The following KSR1 variants were observed in gnomAD, a reference collection of about 807,000 sequenced individuals.
KSR1 encodes kinase suppressor of ras 1, also known as kinase suppressor of ras.
A neutral mutation model predicts 92.9 loss-of-function variants in KSR1; 35 were observed. That is an observed-to-expected ratio of 0.38 (90% CI 0.29 to 0.50). The LOEUF (loss-of-function observed/expected upper bound fraction) is 0.50. Ranked by LOEUF, KSR1 falls within the 20% of genes least tolerant of loss-of-function variation. KSR1 has a pLI of 0.94. For synonymous variants in KSR1, 467 were observed against 472.6 expected (o/e 0.99, Z 0.15); for missense variants, 972 against 1,158.5 (o/e 0.84, Z 2.34).
chr17:27,485,888 G>T (rs910222093), intron 1 of KSR1, among the ~76,000 whole-genome samples: 1 of 152,124 alleles, frequency 6.6e-6, no homozygotes, highest in African/African-American at 2.4e-5. Context: ...CTGCTCCCCC[G>T]AGGATTGAAA....
intron 1 of KSR1, among the ~76,000 whole-genome samples, chr17:27,480,461 G>T (rs774134226): frequency 6.6e-6 from 1 of 151,884 alleles, no homozygotes; most frequent in African/African-American, 2.4e-5. Flanking sequence ...GCAGTGGTGC[G>T]ATCTTGGCTC....
At chr17:27,613,723 T>G (rs996078092) in intron 18 of KSR1, among the ~76,000 whole-genome samples, 1 of 152,232 alleles carries the variant, frequency 6.6e-6, no homozygotes, top group Admixed American at 6.5e-5. Flanking sequence ...ATACAGGTTT[T>G]GGGCTCCTGG....
chr17:27,613,867 G>A (rs565998698), intron 18 of KSR1, among the ~76,000 whole-genome samples: 2 of 152,312 alleles, frequency 1.3e-5, no homozygotes, highest in African/African-American at 2.4e-5. Flanking sequence ...GCAGTGGCAC[G>A]ATCTTGGCTC....
At chr17:27,509,867 A>G (rs1285305822) in intron 1 of KSR1, among the ~76,000 whole-genome samples, 1 of 152,226 alleles carries the variant, frequency 6.6e-6, no homozygotes, top group Non-Finnish European at 1.5e-5. Flanking sequence ...AATAAAAGCC[A>G]GAGCCCTTCA....
At chr17:27,478,397 C>T (rs1250805239) in intron 1 of KSR1, among the ~76,000 whole-genome samples, 1 of 152,070 alleles carries the variant, frequency 6.6e-6, no homozygotes, top group East Asian at 1.9e-4. Context: ...TGGGGACATA[C>T]GAATGGGGAC....
Position 27,456,691 on chromosome 17 carries a change from G to A in KSR1, c.48G>A (p.Glu16=), listed in dbSNP as rs2019177466. 2.7e-6 allele frequency: 2 copies of A among 746,342 alleles called. No homozygotes were observed. Among genetic ancestry groups the A allele is most frequent in the Middle Eastern group, 3.6e-4 (1 of 2,764 alleles). 46.2% of individuals were successfully genotyped at this position (746,342 alleles called of 1,614,324 possible). A position where few individuals can be genotyped will look rare whatever the true frequency, so the allele number is the denominator to read the frequency against. The change falls in exon 1 of 21, where the codon GAG becomes GAA. Residue 16 remains glutamate, a synonymous_variant. Transcript: ENST00000644974. ...CGGCGGCGATGGGAGAGAAGAAGGA[G>A]GGCGGTGGCGGGGGGGATGCGGCGG... ...LRAAAMGEKK[E]GGGGGDAAAA...
intron 1 of KSR1, among the ~76,000 whole-genome samples, chr17:27,513,959 G>A (rs369534503): frequency 9.0e-4 from 137 of 152,312 alleles, no homozygotes; most frequent in African/African-American, 2.9e-3. Flanking sequence ...GTGGAGAATC[G>A]TCGGAAAGGC....
rs777364236 is a variant in KSR1 at position 27,607,947 on chromosome 17, G to A, written c.2028G>A (p.Val676=). Residue 676 remains valine, a synonymous_variant, in exon 15 of 21, where the codon GTG becomes GTA. Transcript: ENST00000644974. ...AGGGGCGGACGTTGCACTCGTTTGT[G>A]AGGGACCCCAAGACGTCTCTGGACA... The part of the protein sequence containing the change: ...FCKGRTLHSF[V]RDPKTSLDIN... The A allele has an allele frequency of 6.5e-5, 105 of 1,610,442 alleles. No homozygotes were observed. Among genetic ancestry groups the A allele is most frequent in the Admixed American group, 8.4e-5 (5 of 59,572 alleles).
chr17:27,547,140 G>A (rs190773823), intron 1 of KSR1, among the ~76,000 whole-genome samples: 369 of 152,354 alleles, frequency 2.4e-3, no homozygotes, highest in Middle Eastern at 6.8e-3. Flanking sequence ...TGGGAGAGGG[G>A]TAAGTAACCC....
intron 1 of KSR1, among the ~76,000 whole-genome samples, chr17:27,528,641 G>C (rs1350309306): frequency 6.6e-6 from 1 of 152,064 alleles, no homozygotes; most frequent in African/African-American, 2.4e-5. Flanking sequence ...GCTCACGTCT[G>C]TAATCCCAGT....
chr17:27,477,716 CT>C (rs1001733229), intron 1 of KSR1, among the ~76,000 whole-genome samples: 545 of 143,984 alleles, frequency 3.8e-3, no homozygotes, highest in Admixed American at 4.1e-3. Flanking sequence ...CTGTTCTCTT[CT>C]TTTTTTTTTT....
intron 1 of KSR1, among the ~76,000 whole-genome samples, chr17:27,481,408 G>A (rs939364034): frequency 1.3e-5 from 2 of 152,204 alleles, no homozygotes; most frequent in African/African-American, 4.8e-5. Flanking sequence ...TGTCTCTCAT[G>A]GGCCAAACTC....
In KSR1 at chr17:27,609,572, G is replaced by A. The variant is rs142556620; in HGVS notation, c.2225+243G>A. Among the ~76,000 whole-genome samples the A allele has an allele frequency of 1.9e-3, 291 of 152,330 alleles. 8 individuals carry two copies. The East Asian group carries it at 0.049, about 25-fold the overall frequency. On this transcript the variant is annotated intron_variant, in intron 16 of 20. Transcript: ENST00000644974. Reference sequence around the variant, plus strand: ...TCACATTTGCCCTGGCTGTTCACCCGCTTGGCCAAGGAACCAGGTCATTTC... The same window carrying A: ...TCACATTTGCCCTGGCTGTTCACCCACTTGGCCAAGGAACCAGGTCATTTC...
At chr17:27,599,372 A>G (rs1394826284) in intron 10 of KSR1, among the ~76,000 whole-genome samples, 1 of 152,260 alleles carries the variant, frequency 6.6e-6, no homozygotes. Context: ...AGCCTGGCCA[A>G]CATGGTGAAA....
chr17:27,619,835 C>T (rs966085499), intron 19 of KSR1, among the ~76,000 whole-genome samples: 1 of 152,172 alleles, frequency 6.6e-6, no homozygotes, highest in African/African-American at 2.4e-5. Flanking sequence ...GCCTCAGCCT[C>T]CCAAGTTGCA....
At chr17:27,610,267 C>T (rs2073877887) in intron 17 of KSR1, 69 bp downstream of exon 17, 7 of 1,598,536 alleles carry the variant, frequency 4.4e-6, no homozygotes, top group Non-Finnish European at 4.3e-6. Flanking sequence ...CCATTGGGGG[C>T]AGAGGGAGGC....
Position 27,605,658 on chromosome 17 carries a change from G to C in KSR1, c.1839G>C (p.Glu613Asp). Residue 613 changes from glutamate (E) to aspartate (D), a missense_variant, in exon 14 of 21, where the codon GAG becomes GAC. This residue lies in a region of KSR1 where 260 missense variants were observed against 375.2 expected (regional missense o/e 0.69). Coordinates refer to ENST00000644974, the MANE Select transcript of KSR1 (RefSeq NM_001394583.1). ...GRVHRGRWHG[E>D]VAIRLLEMDG... The stretch of plus-strand genomic sequence containing the variant: ...TGCACCGCGGCCGCTGGCATGGCGA[G>C]GTGGCCATTCGCCTGCTGGAGATGG... 6.2e-7 allele frequency: 1 copy of C among 1,612,242 alleles called. No individual in the cohort carries two copies. Among genetic ancestry groups the C allele is most frequent in the Non-Finnish European group, 8.5e-7 (1 of 1,179,720 alleles).
At chr17:27,497,699 G>A (rs1320928689) in intron 1 of KSR1, among the ~76,000 whole-genome samples, 1 of 152,216 alleles carries the variant, frequency 6.6e-6, no homozygotes, top group Non-Finnish European at 1.5e-5. Flanking sequence ...TTTTTAAAAA[G>A]TGAGTAGATT....
intron 1 of KSR1, among the ~76,000 whole-genome samples, chr17:27,475,575 C>T (rs1376658585): frequency 6.6e-6 from 1 of 152,190 alleles, no homozygotes; most frequent in Admixed American, 6.5e-5. Flanking sequence ...GGCAGGAGAT[C>T]ATGCTGGCAC....
Sources: allele counts gnomAD v4.1 joint callset (sites outside exome capture counted in the v4.1 genomes callset), GRCh38; gene constraint gnomAD v4.1.1; regional missense constraint gnomAD v4.1.1; transcripts MANE v1.5; gene names NCBI Gene and HGNC (gene_info 2026-07-23, HGNC 2026-07-21).